SLC25A48: variants seen among roughly 807,000 people sequenced by gnomAD.
SLC25A48 encodes solute carrier family 25 member 48.
In SLC25A48, 29 loss-of-function variants were observed where a neutral mutation model predicts 32.2. That is an observed-to-expected ratio of 0.90 (90% CI 0.67 to 1.23). The LOEUF is 1.23. Among genes scored for constraint, SLC25A48 ranks in the 50% most tolerant of loss-of-function variants. The pLI is 0.00. For synonymous variants in SLC25A48, 164 were observed against 172.3 expected, an observed-to-expected ratio of 0.95 and a Z score of 0.38; for missense variants, 399 against 422.7, an observed-to-expected ratio of 0.94 and a Z score of 0.49.
At chr5:135,830,381 C>G (rs1161541777), upstream of SLC25A48, among the ~76,000 whole-genome samples, 1 of 152,180 alleles carries the variant, frequency 6.6e-6, no homozygotes, top group African/African-American at 2.4e-5. Flanking sequence ...TCCTTACCTT[C>G]CAAAAAATAG....
intron 3 of SLC25A48, among the ~76,000 whole-genome samples, chr5:135,795,472 C>T (rs1757144247): frequency 6.6e-6 from 1 of 151,776 alleles, no homozygotes; most frequent in Admixed American, 6.6e-5. Context: ...CTCAATGTCC[C>T]ATGGGGTGTG....
At chr5:135,587,991 C>T (rs1165189323) in intron 1 of SLC25A48, among the ~76,000 whole-genome samples, 4 of 152,154 alleles carry the variant, frequency 2.6e-5, no homozygotes, top group Admixed American at 2.0e-4. Context: ...AGAACGGGCC[C>T]CTGTGTAAGG....
At chr5:135,769,259 T>TGG (rs1554073333) in intron 3 of SLC25A48, among the ~76,000 whole-genome samples, 14 of 104,254 alleles carry the variant, frequency 1.3e-4, no homozygotes, top group African/African-American at 4.1e-4. Flanking sequence ...TTTGCAATAT[T>TGG]GGGGGGGGAG....
At chr5:135,778,978 A>G (rs1200457749) in intron 3 of SLC25A48, among the ~76,000 whole-genome samples, 2 of 151,536 alleles carry the variant, frequency 1.3e-5, no homozygotes, top group African/African-American at 2.4e-5. Flanking sequence ...TTCCCCAAAT[A>G]TCACATAATA....
intron 3 of SLC25A48, among the ~76,000 whole-genome samples, chr5:135,719,015 A>G (rs1297507090): frequency 6.6e-6 from 1 of 152,118 alleles, no homozygotes; most frequent in Non-Finnish European, 1.5e-5. Context: ...GATTGCATGA[A>G]CAAGATTATC....
chr5:135,749,322 C>G (rs1755716064), intron 3 of SLC25A48, among the ~76,000 whole-genome samples: 1 of 151,964 alleles, frequency 6.6e-6, no homozygotes, highest in Admixed American at 6.5e-5. Flanking sequence ...TAAACCTTCT[C>G]TCAACCTTGC....
intron 3 of SLC25A48, among the ~76,000 whole-genome samples, chr5:135,757,355 CAAT>C (rs1442831623): frequency 6.7e-6 from 1 of 149,146 alleles, no homozygotes; most frequent in African/African-American, 2.4e-5. Flanking sequence ...TGTTAACACA[CAAT>C]AATATTAATA....
chr5:135,617,511 A>G (rs1752217794), intron 1 of SLC25A48, among the ~76,000 whole-genome samples: 1 of 150,918 alleles, frequency 6.6e-6, no homozygotes, highest in Admixed American at 6.6e-5. Context: ...GTTTGGTTTT[A>G]TCTTCCATTT....
intron 4 of SLC25A48, among the ~76,000 whole-genome samples, chr5:135,813,343 G>A (rs17169153): frequency 0.013 from 1,920 of 152,272 alleles, 44 homozygotes; most frequent in African/African-American, 0.043. Flanking sequence ...TGAGAAATGC[G>A]GTAGTTGTCC....
chr5:135,805,494 A>G (rs1757441574), intron 3 of SLC25A48, among the ~76,000 whole-genome samples: 1 of 151,608 alleles, frequency 6.6e-6, no homozygotes, highest in Non-Finnish European at 1.5e-5. Context: ...ACCCAAGGAG[A>G]TATTACTCCT....
At chr5:135,863,114 C>T (rs1276921908) in intron 4 of SLC25A48, among the ~76,000 whole-genome samples, 2 of 152,154 alleles carry the variant, frequency 1.3e-5, no homozygotes, top group Non-Finnish European at 2.9e-5. Flanking sequence ...GATATAGAAG[C>T]AGCAGGCCAA....
At chr5:135,644,050 T>C (rs2126919072) in intron 3 of SLC25A48, among the ~76,000 whole-genome samples, 1 of 152,278 alleles carries the variant, frequency 6.6e-6, no homozygotes, top group East Asian at 1.9e-4. Context: ...ATGATAAGCA[T>C]TTGATGTTAC....
At chr5:135,870,887 T>G (rs373041030) in intron 4 of SLC25A48, among the ~76,000 whole-genome samples, 7 of 151,276 alleles carry the variant, frequency 4.6e-5, no homozygotes, top group Admixed American at 2.0e-4. Context: ...TAAAATTATT[T>G]ATTTTATTTT....
chr5:135,851,992 G>C (rs1227434970), intron 3 of SLC25A48, among the ~76,000 whole-genome samples: 9 of 152,156 alleles, frequency 5.9e-5, no homozygotes, highest in African/African-American at 2.2e-4. Flanking sequence ...CACCCCTCGG[G>C]GGTCTAGGGA....
At chr5:135,698,351 G>A (rs963710309) in intron 3 of SLC25A48, among the ~76,000 whole-genome samples, 2 of 152,210 alleles carry the variant, frequency 1.3e-5, no homozygotes, top group Non-Finnish European at 2.9e-5. Flanking sequence ...TGGTTCTTAA[G>A]CCAGCTCTCT....
At chr5:135,772,636 G>A (rs112397597) in intron 3 of SLC25A48, among the ~76,000 whole-genome samples, 1 of 150,924 alleles carries the variant, frequency 6.6e-6, no homozygotes, top group South Asian at 2.1e-4. Flanking sequence ...TGGAGGGGGG[G>A]AGAAAATGAT....
chr5:135,767,666 G>T (rs1009459649), intron 3 of SLC25A48, among the ~76,000 whole-genome samples: 5 of 151,584 alleles, frequency 3.3e-5, no homozygotes, highest in African/African-American at 1.2e-4. Flanking sequence ...GGGGAAAAAG[G>T]ATGATATTAC....
intron 4 of SLC25A48, among the ~76,000 whole-genome samples, chr5:135,828,741 G>T (rs1384303086): frequency 6.6e-6 from 1 of 152,236 alleles, no homozygotes; most frequent in South Asian, 2.1e-4. Context: ...CTAGCCTGTA[G>T]ACGCCACTGC....
intron 6 of SLC25A48, chr5:135,875,224 C>T (rs114307205): frequency 0.014 from 2,071 of 152,680 alleles, 56 homozygotes; most frequent in African/African-American, 0.047. Context: ...CAGTGCAGTC[C>T]GCTGCCATTC....
Sources: allele counts gnomAD v4.1 joint callset (sites outside exome capture counted in the v4.1 genomes callset), GRCh38; gene constraint gnomAD v4.1.1; transcripts MANE v1.5; gene names NCBI Gene and HGNC (gene_info 2026-07-23, HGNC 2026-07-21).